Variants in OPRM1 observed in about 807,000 individuals in gnomAD.
The protein encoded by OPRM1 is mu-type opioid receptor.
OPRM1 carries 27 observed loss-of-function variants against 31.8 expected under a neutral mutation model. That is an observed-to-expected ratio of 0.85 (90% CI 0.63 to 1.17). The LOEUF is 1.17. Among genes scored for constraint, OPRM1 ranks in the 50% most tolerant of loss-of-function variants. OPRM1 has a pLI of 0.00. For missense variants in OPRM1, 536 were observed against 511.1 expected (o/e 1.05, Z -0.47); for synonymous variants, 196 against 189.9 (o/e 1.03, Z -0.26).
chr6:154,235,697 T>C (rs560009883), intron 3 of OPRM1, among the ~76,000 whole-genome samples: 4 of 152,180 alleles, frequency 2.6e-5, no homozygotes, highest in African/African-American at 7.2e-5. Flanking sequence ...ACTATTAAAA[T>C]ACACCACCAC....
At chr6:154,042,231 G>A (rs183980535) in intron 1 of OPRM1, among the ~76,000 whole-genome samples, 3 of 152,272 alleles carry the variant, frequency 2.0e-5, no homozygotes, top group East Asian at 1.9e-4. Context: ...CAGATGAAGC[G>A]ACAGGGAAAG....
chr6:154,137,354 T>C (rs529176500), downstream of OPRM1, among the ~76,000 whole-genome samples: 1 of 152,212 alleles, frequency 6.6e-6, no homozygotes, highest in Non-Finnish European at 1.5e-5. Flanking sequence ...TGAATATACT[T>C]GCTTTCTGTG....
At position 154,093,396 on chromosome 6, in the gene OPRM1, C is replaced by T. The variant is rs186439043; in HGVS notation, c.1164+1924C>T. 4.3e-5 allele frequency: 70 copies of T among 1,614,124 alleles called. No individual in the cohort carries two copies. The highest frequency in any genetic ancestry group is 1.6e-4 in the Middle Eastern group (1 of 6,062). Reference sequence around the variant, plus strand: ...AGCTATCCTTCACTCGTCCTGCCTTCGTGGAAATACTGCTCCCAGCCCGTC... The same window carrying T: ...AGCTATCCTTCACTCGTCCTGCCTTTGTGGAAATACTGCTCCCAGCCCGTC... On this transcript the variant is annotated intron_variant, in intron 3 of 3. Transcript: ENST00000330432.
intron 1 of OPRM1, among the ~76,000 whole-genome samples, chr6:154,089,258 A>T (rs940093906): frequency 6.6e-6 from 1 of 151,770 alleles, no homozygotes; most frequent in East Asian, 1.9e-4. Flanking sequence ...TTTCTATTAG[A>T]CCTATCACAA....
intron 3 of OPRM1, among the ~76,000 whole-genome samples, chr6:154,180,415 T>TATATATATA (rs1491475267): frequency 4.1e-4 from 12 of 29,332 alleles, no homozygotes; most frequent in African/African-American, 1.4e-3. Context: ...TATATATATA[T>TATATATATA]TTTTTTTTTA....
Position 154,119,128 on chromosome 6 carries a change from G to A in OPRM1, c.*407G>A. On this transcript the variant is annotated 3_prime_UTR_variant, in exon 4 of 4. Coordinates refer to ENST00000330432, the MANE Select transcript of OPRM1 (RefSeq NM_000914.5). ...AACACATAAAGTAAATGCTACCTCT[G>A]ATCAAAGCACCTTGAATGGAAGGTC... is the stretch of plus-strand genomic sequence containing the variant. 4 of 992,970 alleles carry A rather than the reference G, an allele frequency of 4.0e-6. No homozygotes were observed. Among genetic ancestry groups the A allele is most frequent in the Non-Finnish European group, 3.6e-6 (3 of 834,704 alleles). 61.5% of individuals were successfully genotyped at this position (992,970 alleles called of 1,614,324 possible).
intron 1 of OPRM1, among the ~76,000 whole-genome samples, chr6:154,078,889 A>G (rs557912641): frequency 3.3e-5 from 5 of 152,248 alleles, no homozygotes; most frequent in Admixed American, 6.5e-5. Context: ...GGAGGGGGAA[A>G]AAAAATCATC....
chr6:154,132,372 G>A (rs1797944789), downstream of OPRM1, among the ~76,000 whole-genome samples: 1 of 152,184 alleles, frequency 6.6e-6, no homozygotes, highest in East Asian at 1.9e-4. Context: ...ATTTTCCCTT[G>A]TCTTTCTCAT....
At chr6:154,159,920 G>C in intron 3 of OPRM1, 6 of 1,613,728 alleles carry the variant, frequency 3.7e-6, no homozygotes, top group Non-Finnish European at 5.1e-6. Context: ...GAAGCCCGCT[G>C]CTGCTGATAG....
intron 1 of OPRM1, among the ~76,000 whole-genome samples, chr6:154,021,841 T>G (rs1778390996): frequency 6.8e-6 from 1 of 147,878 alleles, no homozygotes; most frequent in South Asian, 2.1e-4. Context: ...TCCAGGAGGG[T>G]TTTCTCTTTT....
At chr6:154,031,882 G>A (rs1779029437) in intron 1 of OPRM1, among the ~76,000 whole-genome samples, 2 of 152,226 alleles carry the variant, frequency 1.3e-5, no homozygotes, top group Admixed American at 6.5e-5. Flanking sequence ...TGAGCTAGGA[G>A]CAAACGGTGA....
At chr6:154,206,256 T>C (rs1371124706) in intron 3 of OPRM1, among the ~76,000 whole-genome samples, 1 of 152,246 alleles carries the variant, frequency 6.6e-6, no homozygotes, top group Non-Finnish European at 1.5e-5. Flanking sequence ...GGCTTCCTCA[T>C]TTGTAAAACT....
At chr6:154,096,804 C>T (rs763559481) in intron 3 of OPRM1, among the ~76,000 whole-genome samples, 15 of 152,184 alleles carry the variant, frequency 9.9e-5, no homozygotes, top group Non-Finnish European at 1.9e-4. Flanking sequence ...ACTTTGCACT[C>T]AATTATTATC....
intron 3 of OPRM1, among the ~76,000 whole-genome samples, chr6:154,167,307 C>T (rs1280872314): frequency 2.0e-5 from 3 of 152,220 alleles, no homozygotes; most frequent in African/African-American, 7.2e-5. Flanking sequence ...AAAATAGCTT[C>T]AGTACTTCCT....
chr6:154,229,965 G>A (rs541932333), intron 3 of OPRM1, among the ~76,000 whole-genome samples: 6 of 152,264 alleles, frequency 3.9e-5, no homozygotes, highest in Admixed American at 6.5e-5. Flanking sequence ...AAACACAAGC[G>A]ATCAGTTATG....
chr6:154,180,788 T>C (rs1800807405), intron 3 of OPRM1, among the ~76,000 whole-genome samples: 1 of 152,208 alleles, frequency 6.6e-6, no homozygotes, highest in South Asian at 2.1e-4. Context: ...GCCATATTTC[T>C]TATCAGAATT....
chr6:154,152,347 G>GAAAGAAAGAAAGAAAAGAAAA, intron 3 of OPRM1, among the ~76,000 whole-genome samples: 17 of 65,202 alleles, frequency 2.6e-4, no homozygotes, highest in African/African-American at 4.5e-4. Flanking sequence ...AAGAAAGAAA[G>GAAAGAAAGAAAGAAAAGAAAA]GAAAGAAAGA....
intron 1 of OPRM1, among the ~76,000 whole-genome samples, chr6:154,028,002 A>G (rs181911828): frequency 6.6e-6 from 1 of 152,288 alleles, no homozygotes; most frequent in African/African-American, 2.4e-5. Flanking sequence ...TGCAAGACAA[A>G]GTCCCCTTTG....
intron 3 of OPRM1, among the ~76,000 whole-genome samples, chr6:154,221,836 T>C (rs950459811): frequency 3.9e-5 from 6 of 152,150 alleles, no homozygotes; most frequent in Non-Finnish European, 8.8e-5. Flanking sequence ...ATCATGCCAC[T>C]GCACTCCAGT....
Sources: gnomAD v4.1 joint callset for allele counts (sites outside exome capture counted in the v4.1 genomes callset) on GRCh38, gnomAD v4.1.1 for gene constraint, MANE v1.5 for transcripts, NCBI Gene and HGNC (gene_info 2026-07-23, HGNC 2026-07-21) for gene names.